SLCO2A1: variants seen among roughly 807,000 people sequenced by gnomAD.
SLCO2A1 encodes the protein solute carrier organic anion transporter family member 2A1.
Under a neutral mutation model 71.7 loss-of-function variants are expected in SLCO2A1, and 60 were observed. That is an observed-to-expected ratio of 0.84 (90% CI 0.68 to 1.04). The LOEUF (loss-of-function observed/expected upper bound fraction) is 1.04. SLCO2A1 is among the 50% of genes least tolerant of loss of function. The pLI, the probability that SLCO2A1 is intolerant of heterozygous loss-of-function variation, is 0.00. For missense variants in SLCO2A1, 745 were observed against 813.4 expected, an observed-to-expected ratio of 0.92 and a Z score of 1.02; for synonymous variants, 308 against 326.7, an observed-to-expected ratio of 0.94 and a Z score of 0.62.
chr3:133,983,289 G>C (rs577688964), intron 1 of SLCO2A1, among the ~76,000 whole-genome samples: 11 of 152,250 alleles, frequency 7.2e-5, no homozygotes, highest in African/African-American at 2.6e-4. Context: ...AATGTTCCAC[G>C]GATAACTCGG....
chr3:134,005,954 C>T (rs1234880119), intron 1 of SLCO2A1, among the ~76,000 whole-genome samples: 1 of 151,828 alleles, frequency 6.6e-6, no homozygotes, highest in African/African-American at 2.4e-5. Flanking sequence ...ATTCTTTACT[C>T]TCTTTTGTCT....
chr3:133,993,265 C>A (rs1934892663), intron 1 of SLCO2A1, among the ~76,000 whole-genome samples: 1 of 152,236 alleles, frequency 6.6e-6, no homozygotes, highest in Non-Finnish European at 1.5e-5. Flanking sequence ...CACTCCAGTT[C>A]CCGCCCGTGA....
At chr3:133,977,886 C>T (rs949950488) in intron 2 of SLCO2A1, among the ~76,000 whole-genome samples, 9 of 151,992 alleles carry the variant, frequency 5.9e-5, no homozygotes, top group Non-Finnish European at 7.4e-5. Flanking sequence ...GACCCAGTCA[C>T]CAGGCATCAC....
At chr3:133,935,978 G>A (rs545841144) in intron 12 of SLCO2A1, 81 bp from the exon 13 acceptor site, 15 of 1,385,674 alleles carry the variant, frequency 1.1e-5, no homozygotes, top group South Asian at 1.8e-5. Context: ...CCAAGTCCCC[G>A]ACACAGTTCA....
chr3:133,951,195 C>G lies in SLCO2A1; in HGVS notation c.861+13G>C, dbSNP rs1202474617. 3.7e-6 allele frequency: 6 copies of G among 1,613,892 alleles called. No homozygotes were observed. Among genetic ancestry groups the G allele is most frequent in the Non-Finnish European group, 5.1e-6 (6 of 1,180,006 alleles). ...ACTCCATCAGGTAGAGTCATGGGCT[C>G]TTGGAACCTTACCTTTGCTCCTATG... On this transcript the variant is annotated intron_variant, in intron 6 of 13. Coordinates refer to ENST00000310926, the MANE Select transcript of SLCO2A1 (RefSeq NM_005630.3).
chr3:133,948,942 C>T lies in SLCO2A1; in HGVS notation c.891G>A (p.Arg297=). The part of the protein sequence containing the change: ...KRAPATADEA[R]KLEEAKSRGS... ...CTCTTGACTTGGCCTCCTCCAACTT[C>T]CTTGCTTCATCTGCTGTGGCAGGAG... Residue 297 remains arginine (R), a synonymous_variant, in exon 7 of 14, where the codon AGG becomes AGA. Coordinates refer to ENST00000310926, the MANE Select transcript of SLCO2A1 (RefSeq NM_005630.3). 2 of 1,614,190 alleles carry T rather than the reference C, an allele frequency of 1.2e-6. No individual in the cohort carries two copies. The highest frequency in any genetic ancestry group is 1.7e-6 in the Non-Finnish European group (2 of 1,180,024).
At position 133,935,562 on chromosome 3, in the gene SLCO2A1, G is replaced by A. The variant is rs1358334590; in HGVS notation, c.1814+212C>T. The stretch of plus-strand genomic sequence containing the variant: ...TGCTGCCCCTTCCAAGGGCTTTCGG[G>A]TCATGGAAGTCCCTGGACATCTCCC... On this transcript the variant is annotated intron_variant, in intron 13 of 13. Coordinates refer to ENST00000310926, the MANE Select transcript of SLCO2A1 (RefSeq NM_005630.3). Among the ~76,000 whole-genome samples the A allele has an allele frequency of 3.9e-5, 6 of 152,186 alleles. No homozygotes were observed. In the East Asian group the frequency reaches 1.2e-3, roughly 29 times the overall value.
At chr3:133,990,728 A>G (rs1934822363) in intron 1 of SLCO2A1, among the ~76,000 whole-genome samples, 1 of 152,056 alleles carries the variant, frequency 6.6e-6, no homozygotes, top group African/African-American at 2.4e-5. Context: ...CTCACCTGGG[A>G]GGTGAGGCTT....
rs78451825 is a variant in SLCO2A1 at position 134,026,004 on chromosome 3, G to C, written c.96+3703C>G. ...AATGTCACTTCATGTTATGTATGTGGAGGAACTGTAATAAGAGATCAATGA... is the reference window on the plus strand; with the variant it reads ...AATGTCACTTCATGTTATGTATGTGCAGGAACTGTAATAAGAGATCAATGA... On this transcript the variant is annotated intron_variant, in intron 1 of 13. Coordinates refer to ENST00000310926, the MANE Select transcript of SLCO2A1 (RefSeq NM_005630.3). Among the ~76,000 whole-genome samples the C allele has an allele frequency of 9.0e-4, 137 of 152,220 alleles. 1 individual carries two copies. Among genetic ancestry groups the C allele is most frequent in the African/African-American group, 3.2e-3 (132 of 41,508 alleles).
At position 133,951,332 on chromosome 3, in the gene SLCO2A1, A is replaced by G. The variant is rs576347790; in HGVS notation, c.737T>C (p.Leu246Ser). 9.3e-6 allele frequency: 15 copies of G among 1,614,074 alleles called. No individual in the cohort carries two copies. In the Admixed American group the frequency reaches 1.5e-4, roughly 16 times the overall value. The change falls in exon 6 of 14, where the codon TTG becomes TCG. Residue 246 changes from leucine to serine, a missense_variant. Transcript: ENST00000310926. ...AATCCATCGGGGGTCACCCGGGACC[A>G]AGTTAACTGCAGCTGAAGAGAAAAC... ...YGRVNTAAVNLVPGDPRWIGA... is the reference protein window; with the variant it reads ...YGRVNTAAVNSVPGDPRWIGA...
intron 3 of SLCO2A1, among the ~76,000 whole-genome samples, chr3:133,957,107 C>T (rs1396044994): frequency 6.6e-6 from 1 of 152,220 alleles, no homozygotes; most frequent in Non-Finnish European, 1.5e-5. Context: ...GGCTCTAGGC[C>T]TGCAACAGTG....
At chr3:133,943,073 C>CT (rs1189372547) in intron 10 of SLCO2A1, among the ~76,000 whole-genome samples, 2 of 152,224 alleles carry the variant, frequency 1.3e-5, no homozygotes, top group Non-Finnish European at 2.9e-5. Context: ...CAACCCCCAG[C>CT]TTGGAGCCAG....
At chr3:133,993,932 G>C (rs1389712379) in intron 1 of SLCO2A1, among the ~76,000 whole-genome samples, 2 of 152,164 alleles carry the variant, frequency 1.3e-5, no homozygotes, top group Non-Finnish European at 2.9e-5. Context: ...GGAAAGAGAA[G>C]CTAGTTTTTC....
At chr3:133,979,140 C>T (rs529835767) in intron 2 of SLCO2A1, among the ~76,000 whole-genome samples, 59 of 152,208 alleles carry the variant, frequency 3.9e-4, no homozygotes, top group Non-Finnish European at 6.9e-4. Flanking sequence ...AGGCGGACAG[C>T]CCTGCATACC....
chr3:133,937,539 C>T (rs886101080), intron 12 of SLCO2A1, among the ~76,000 whole-genome samples: 5 of 152,224 alleles, frequency 3.3e-5, no homozygotes, highest in African/African-American at 9.6e-5. Flanking sequence ...GAAGCCACTG[C>T]AGGGCGCGGT....
chr3:134,017,413 C>A (rs554680958), intron 1 of SLCO2A1, among the ~76,000 whole-genome samples: 1 of 152,152 alleles, frequency 6.6e-6, no homozygotes, highest in East Asian at 1.9e-4. Flanking sequence ...CCCCAGATTC[C>A]GCAGTGATAA....
In SLCO2A1 at chr3:133,947,261, G is replaced by T. The variant is rs184228941; in HGVS notation, c.1290C>A (p.Pro430=). 19 of 1,613,908 alleles carry T rather than the reference G, an allele frequency of 1.2e-5. No individual in the cohort carries two copies. The highest frequency in any genetic ancestry group is 1.7e-4 in the Middle Eastern group (1 of 6,060). Reference sequence around the variant, plus strand: ...CTACCCCTTATTCCCATTACCTAGGGGGGTAGACTTCGGCCACAGTTGGGG... The same window carrying T: ...CTACCCCTTATTCCCATTACCTAGGTGGGTAGACTTCGGCCACAGTTGGGG... ...CSTPTVAEVY[P]PSTSSSIHPQ... is the part of the protein sequence containing the mutation. Residue 430 remains proline (P), a synonymous_variant, in exon 9 of 14, where the codon CCC becomes CCA. Coordinates refer to ENST00000310926, the MANE Select transcript of SLCO2A1 (RefSeq NM_005630.3).
chr3:133,985,250 G>A (rs546082797), intron 1 of SLCO2A1, among the ~76,000 whole-genome samples: 1 of 152,316 alleles, frequency 6.6e-6, no homozygotes, highest in South Asian at 2.1e-4. Flanking sequence ...TCACGAATAT[G>A]TGCAATCACA....
chr3:133,984,167 G>A (rs756259111), intron 1 of SLCO2A1, among the ~76,000 whole-genome samples: 21 of 152,222 alleles, frequency 1.4e-4, no homozygotes, highest in Non-Finnish European at 2.8e-4. Flanking sequence ...ATGAGAGGAA[G>A]ATGGGGATGG....
Sources: allele counts gnomAD v4.1 joint callset (sites outside exome capture counted in the v4.1 genomes callset), GRCh38; gene constraint gnomAD v4.1.1; transcripts MANE v1.5; gene names NCBI Gene and HGNC (gene_info 2026-07-23, HGNC 2026-07-21).